MYO3B: variants seen among roughly 807,000 people sequenced by gnomAD.
MYO3B encodes myosin IIIB.
MYO3B carries 156 observed loss-of-function variants against 174.6 expected under a neutral mutation model. The ratio of observed to expected loss-of-function variants is 0.89; its 90% CI spans 0.78 to 1.02. MYO3B has a LOEUF of 1.02. Among genes scored for constraint, MYO3B ranks in the 50% least tolerant of loss-of-function variants. The pLI is 0.00. For missense variants in MYO3B, 1,632 were observed against 1,639.4 expected, an observed-to-expected ratio of 1.00 and a Z score of 0.08; for synonymous variants, 563 against 569.1, an observed-to-expected ratio of 0.99 and a Z score of 0.15.
At chr2:170,345,629 A>G (rs898146164) in intron 8 of MYO3B, among the ~76,000 whole-genome samples, 2 of 152,074 alleles carry the variant, frequency 1.3e-5, no homozygotes, top group Admixed American at 1.3e-4. Context: ...TGCTTCACAC[A>G]CACATACAGA....
rs754817781 is a variant in MYO3B at position 170,387,198 on chromosome 2, G to C, written c.1467G>C (p.Ser489=). ...GNSCTAINDN[S]SRFGKYLEMM... is the part of the protein sequence containing the mutation. ...CATGCACTGCCATCAATGACAACTCGAGCCGTTTTGGAAAATATCTGGAAA... is the reference window on the plus strand; with the variant it reads ...CATGCACTGCCATCAATGACAACTCCAGCCGTTTTGGAAAATATCTGGAAA... Residue 489 remains serine, a synonymous_variant, in exon 14 of 35, where the codon TCG becomes TCC. Transcript: ENST00000408978. The C allele has an allele frequency of 6.2e-7, 1 of 1,614,108 alleles. No homozygotes were observed. Among genetic ancestry groups the C allele is most frequent in the Non-Finnish European group, 8.5e-7 (1 of 1,179,974 alleles).
chr2:170,410,804 G>A (rs1445149704), intron 22 of MYO3B, among the ~76,000 whole-genome samples: 1 of 151,966 alleles, frequency 6.6e-6, no homozygotes, highest in African/African-American at 2.4e-5. Context: ...TTTATGTTTT[G>A]CATACTTTTT....
chr2:170,478,506 G>A (rs959747117), intron 25 of MYO3B, among the ~76,000 whole-genome samples: 2 of 150,404 alleles, frequency 1.3e-5, no homozygotes, highest in African/African-American at 4.9e-5. Context: ...TGGAGAAGGT[G>A]TGTGGGGTGT....
At chr2:170,612,915 A>G (rs1455139210) in intron 32 of MYO3B, among the ~76,000 whole-genome samples, 1 of 152,160 alleles carries the variant, frequency 6.6e-6, no homozygotes, top group African/African-American at 2.4e-5. Context: ...TGAGGACTAT[A>G]AGCTCTCACA....
At chr2:170,576,335 G>T (rs575978607) in intron 32 of MYO3B, among the ~76,000 whole-genome samples, 34 of 152,196 alleles carry the variant, frequency 2.2e-4, no homozygotes, top group Non-Finnish European at 4.3e-4. Flanking sequence ...GCTGAGGCTA[G>T]TTCTGGGAGT....
chr2:170,211,627 G>C (rs746418389), intron 3 of MYO3B, among the ~76,000 whole-genome samples: 2 of 152,170 alleles, frequency 1.3e-5, no homozygotes, highest in Non-Finnish European at 2.9e-5. Context: ...GTGGGGAAGA[G>C]AATCAGCAAA....
At chr2:170,526,871 A>G (rs1689036210) in intron 30 of MYO3B, among the ~76,000 whole-genome samples, 1 of 152,212 alleles carries the variant, frequency 6.6e-6, no homozygotes, top group African/African-American at 2.4e-5. Flanking sequence ...CCTTATGCAA[A>G]GAGTCCTTTT....
At chr2:170,264,700 A>C (rs952938079) in intron 7 of MYO3B, among the ~76,000 whole-genome samples, 1 of 152,228 alleles carries the variant, frequency 6.6e-6, no homozygotes, top group Non-Finnish European at 1.5e-5. Context: ...TAGTTGCTCA[A>C]TAAATAATAG....
At chr2:170,337,023 G>A (rs889491763) in intron 8 of MYO3B, among the ~76,000 whole-genome samples, 3 of 151,398 alleles carry the variant, frequency 2.0e-5, no homozygotes, top group East Asian at 1.9e-4. Context: ...TTAGCCCCAC[G>A]TTGACATTTT....
chr2:170,339,533 G>A (rs1317993517), intron 8 of MYO3B, among the ~76,000 whole-genome samples: 1 of 152,184 alleles, frequency 6.6e-6, no homozygotes, highest in Non-Finnish European at 1.5e-5. Context: ...GGGTGTGTGT[G>A]TGCACGTGCA....
intron 6 of MYO3B, among the ~76,000 whole-genome samples, chr2:170,235,786 A>AC (rs1403903350): frequency 2.6e-5 from 4 of 152,222 alleles, no homozygotes; most frequent in African/African-American, 9.7e-5. Flanking sequence ...AACAAAACTG[A>AC]CACATTTGTA....
chr2:170,361,213 G>C (rs1000980360), intron 8 of MYO3B, among the ~76,000 whole-genome samples: 6 of 152,138 alleles, frequency 3.9e-5, no homozygotes, highest in African/African-American at 1.2e-4. Context: ...ATCTCCCAGG[G>C]ACCACACCTT....
chr2:170,616,283 C>T (rs1220130362), intron 32 of MYO3B, among the ~76,000 whole-genome samples: 1 of 152,152 alleles, frequency 6.6e-6, no homozygotes, highest in Non-Finnish European at 1.5e-5. Flanking sequence ...CCCCATGCAT[C>T]CGTTTATAGG....
At chr2:170,618,087 G>C (rs896817306) in intron 32 of MYO3B, among the ~76,000 whole-genome samples, 1 of 152,124 alleles carries the variant, frequency 6.6e-6, no homozygotes, top group Non-Finnish European at 1.5e-5. Flanking sequence ...TCTAATGAGA[G>C]ACATACATTA....
intron 23 of MYO3B, among the ~76,000 whole-genome samples, chr2:170,459,593 G>T (rs915636292): frequency 6.6e-6 from 1 of 152,212 alleles, no homozygotes; most frequent in Non-Finnish European, 1.5e-5. Context: ...TCCTGCTGCA[G>T]GTGGAGCTGC....
chr2:170,252,074 G>T (rs568263238), intron 7 of MYO3B, among the ~76,000 whole-genome samples: 2 of 152,180 alleles, frequency 1.3e-5, no homozygotes, highest in Admixed American at 6.5e-5. Flanking sequence ...ATAGTTCACC[G>T]TTCTTCCAAT....
intron 32 of MYO3B, among the ~76,000 whole-genome samples, chr2:170,555,527 G>T (rs1253847588): frequency 6.6e-6 from 1 of 152,022 alleles, no homozygotes; most frequent in Non-Finnish European, 1.5e-5. Flanking sequence ...CATATAGTTG[G>T]AATCATACAG....
intron 6 of MYO3B, among the ~76,000 whole-genome samples, chr2:170,225,942 A>G (rs1218155928): frequency 6.6e-6 from 1 of 152,192 alleles, no homozygotes; most frequent in Non-Finnish European, 1.5e-5. Context: ...TCTCATCTGT[A>G]AAAAAGAAGA....
chr2:170,582,678 A>G (rs1294570268), intron 32 of MYO3B, among the ~76,000 whole-genome samples: 1 of 152,200 alleles, frequency 6.6e-6, no homozygotes, highest in Non-Finnish European at 1.5e-5. Flanking sequence ...TTTATTAAAA[A>G]AAGAAAGAAA....
Sources: gnomAD v4.1 joint callset for allele counts (sites outside exome capture counted in the v4.1 genomes callset) on GRCh38, gnomAD v4.1.1 for gene constraint, MANE v1.5 for transcripts, NCBI Gene and HGNC (gene_info 2026-07-23, HGNC 2026-07-21) for gene names.